PRKCQ: variants seen among roughly 807,000 people sequenced by gnomAD.
PRKCQ encodes the protein protein kinase C theta type.
A neutral mutation model predicts 91.2 loss-of-function variants in PRKCQ; 41 were observed. The ratio of observed to expected loss-of-function variants is 0.45; its 90% CI spans 0.35 to 0.58. PRKCQ has a LOEUF of 0.58. PRKCQ is among the 20% of genes least tolerant of loss of function. The pLI is 0.00. For synonymous variants in PRKCQ, 307 were observed against 316.9 expected, an observed-to-expected ratio of 0.97 and a Z score of 0.33; for missense variants, 673 against 896.5, an observed-to-expected ratio of 0.75 and a Z score of 3.18.
intron 7 of PRKCQ, among the ~76,000 whole-genome samples, chr10:6,493,984 G>C (rs550728628): frequency 1.3e-5 from 2 of 152,260 alleles, no homozygotes; most frequent in East Asian, 3.9e-4. Flanking sequence ...AATTCAAATG[G>C]ACTTTCAGCT....
intron 1 of PRKCQ, among the ~76,000 whole-genome samples, chr10:6,524,122 C>T (rs188969810): frequency 4.1e-4 from 62 of 152,292 alleles, no homozygotes; most frequent in African/African-American, 1.5e-3. Flanking sequence ...TACCATCTTT[C>T]AAAATCTTTC....
chr10:6,556,301 A>T (rs1006573678), intron 1 of PRKCQ, among the ~76,000 whole-genome samples: 2 of 151,988 alleles, frequency 1.3e-5, no homozygotes, highest in African/African-American at 4.8e-5. Flanking sequence ...GTGCAGTGGC[A>T]TACGCTTGTA....
At position 6,502,194 on chromosome 10, in the gene PRKCQ, G is replaced by C. The variant is rs146612965; in HGVS notation, c.380-3636C>G. 2.1e-4 allele frequency among the ~76,000 whole-genome samples: 32 copies of C among 152,334 alleles called. No homozygotes were observed. In the East Asian group the frequency reaches 6.2e-3, roughly 29 times the overall value. ...ATGTGTCAGAACAGAGGTATTCACA[G>C]GATGCTGTGGGACCACGGAAATGAG... is the stretch of plus-strand genomic sequence containing the variant. On this transcript the variant is annotated intron_variant, in intron 4 of 17. Transcript: ENST00000263125.
chr10:6,441,809 CAAGTTGGAAACT>C, intron 16 of PRKCQ, 72 bp downstream of exon 16: 1 of 1,374,324 alleles, frequency 7.3e-7, no homozygotes, highest in South Asian at 1.5e-5. Flanking sequence ...TTGCCACATG[CAAGTTGGAAACT>C]AAGAGGAACA....
At chr10:6,510,407 T>C (rs905666387) in intron 3 of PRKCQ, among the ~76,000 whole-genome samples, 2 of 152,222 alleles carry the variant, frequency 1.3e-5, no homozygotes, top group African/African-American at 4.8e-5. Flanking sequence ...ATTGTCAAAG[T>C]ATAGAGAGAG....
chr10:6,509,236 G>A (rs1304887338), intron 3 of PRKCQ, among the ~76,000 whole-genome samples: 1 of 152,112 alleles, frequency 6.6e-6, no homozygotes, highest in Non-Finnish European at 1.5e-5. Flanking sequence ...TCCTAGGCAA[G>A]AAATCATATG....
At chr10:6,446,103 T>C (rs1834275786) in intron 15 of PRKCQ, among the ~76,000 whole-genome samples, 2 of 152,156 alleles carry the variant, frequency 1.3e-5, no homozygotes, top group Admixed American at 6.5e-5. Flanking sequence ...TACTGATATG[T>C]GTTAGGAGTT....
chr10:6,394,148 T>G, the PRKCQ span, among the ~76,000 whole-genome samples: 9 of 152,224 alleles, frequency 5.9e-5, no homozygotes, highest in African/African-American at 1.9e-4. Flanking sequence ...TCTGATTAGT[T>G]TATATGTGAA....
At chr10:6,504,947 GC>G (rs1838107179) in intron 4 of PRKCQ, among the ~76,000 whole-genome samples, 2 of 149,982 alleles carry the variant, frequency 1.3e-5, no homozygotes, top group South Asian at 4.2e-4. Flanking sequence ...AGGCTGGAGT[GC>G]AGTGGTGCAA....
At chr10:6,517,588 C>CTTTTTTTTTTTTTTTTTTTT (rs56306878) in intron 1 of PRKCQ, among the ~76,000 whole-genome samples, 1 of 49,482 alleles carries the variant, frequency 2.0e-5, no homozygotes, top group East Asian at 7.1e-4. Context: ...AAGATAGCAT[C>CTTTTTTTTTTTTTTTTTTTT]TTTTTTTTTT....
chr10:6,479,796 T>C (rs1230399908), intron 11 of PRKCQ, among the ~76,000 whole-genome samples: 1 of 35,304 alleles, frequency 2.8e-5, no homozygotes, highest in Non-Finnish European at 5.8e-5. Flanking sequence ...AAAAAAAAAA[T>C]CCAAAAATTA....
At chr10:6,448,653 C>G (rs542367432) in intron 15 of PRKCQ, among the ~76,000 whole-genome samples, 2 of 152,114 alleles carry the variant, frequency 1.3e-5, no homozygotes, top group Non-Finnish European at 2.9e-5. Flanking sequence ...ATGATCCACC[C>G]GCCTCAGCCT....
chr10:6,432,715 G>A (rs1241000050), intron 16 of PRKCQ, among the ~76,000 whole-genome samples: 1 of 152,094 alleles, frequency 6.6e-6, no homozygotes, highest in East Asian at 1.9e-4. Context: ...ACATCCTCGG[G>A]TCCTCGGCTG....
intron 2 of PRKCQ, among the ~76,000 whole-genome samples, chr10:6,513,447 CA>C (rs58606251): frequency 0.052 from 5,434 of 105,468 alleles, 185 homozygotes; most frequent in African/African-American, 0.19. Flanking sequence ...AGGCCAAATG[CA>C]AAAAAAAAAA....
intron 14 of PRKCQ, among the ~76,000 whole-genome samples, chr10:6,461,584 C>A (rs1208201827): frequency 6.6e-6 from 1 of 152,192 alleles, no homozygotes; most frequent in African/African-American, 2.4e-5. Flanking sequence ...AATAGGGCAA[C>A]CCTCACTTGA....
At chr10:6,559,639 G>A (rs1280060327) in intron 1 of PRKCQ, among the ~76,000 whole-genome samples, 1 of 152,144 alleles carries the variant, frequency 6.6e-6, no homozygotes, top group East Asian at 1.9e-4. Flanking sequence ...GATTACAGGT[G>A]TGAGCCACCG....
At chr10:6,569,827 G>C (rs763398746) in intron 1 of PRKCQ, among the ~76,000 whole-genome samples, 14 of 152,282 alleles carry the variant, frequency 9.2e-5, no homozygotes, top group Non-Finnish European at 1.8e-4. Context: ...GAAAGAGAAA[G>C]GGGAAGGTGG....
intron 3 of PRKCQ, among the ~76,000 whole-genome samples, chr10:6,510,361 A>G (rs1199401203): frequency 6.6e-6 from 1 of 152,202 alleles, no homozygotes; most frequent in African/African-American, 2.4e-5. Context: ...TAGTCAAAGT[A>G]AGCTAAGTTC....
At chr10:6,441,679 G>A (rs1453076566) in intron 16 of PRKCQ, among the ~76,000 whole-genome samples, 1 of 152,150 alleles carries the variant, frequency 6.6e-6, no homozygotes, top group East Asian at 1.9e-4. Context: ...TGTTATAACT[G>A]ATGCACATGA....
Sources: gnomAD v4.1 joint callset for allele counts (sites outside exome capture counted in the v4.1 genomes callset) on GRCh38, gnomAD v4.1.1 for gene constraint, MANE v1.5 for transcripts, NCBI Gene and HGNC (gene_info 2026-07-23, HGNC 2026-07-21) for gene names.